The following TRAK2 variants were observed in gnomAD, a reference collection of about 807,000 sequenced individuals.
The protein encoded by TRAK2 is trafficking kinesin protein 2, also known as trafficking kinesin-binding protein 2.
A neutral mutation model predicts 104.6 loss-of-function variants in TRAK2; 81 were observed. The ratio of observed to expected loss-of-function variants is 0.77; its 90% CI spans 0.65 to 0.93. The LOEUF (loss-of-function observed/expected upper bound fraction) is 0.93. TRAK2 is among the 40% of genes least tolerant of loss of function. TRAK2 has a pLI of 0.00. For missense variants in TRAK2, 1,002 were observed against 1,089.0 expected (o/e 0.92, Z 1.12); for synonymous variants, 406 against 394.4 (o/e 1.03, Z -0.35).
chr2:201,424,956 T>G (rs1325772357), intron 1 of TRAK2, among the ~76,000 whole-genome samples: 1 of 152,188 alleles, frequency 6.6e-6, no homozygotes, highest in Non-Finnish European at 1.5e-5. Context: ...TTTTATACTT[T>G]CAAATGGCTG....
At chr2:201,394,689 G>C (rs1951483955) in intron 9 of TRAK2, 109 bp downstream of exon 9, 2 of 947,938 alleles carry the variant, frequency 2.1e-6, no homozygotes, top group Non-Finnish European at 3.2e-6. Context: ...ACCTTTTGTT[G>C]TTGTTTTTTA....
At chr2:201,407,310 G>A in intron 3 of TRAK2, 93 bp downstream of exon 3, 1 of 1,081,264 alleles carries the variant, frequency 9.2e-7, no homozygotes, top group Non-Finnish European at 1.4e-6. Flanking sequence ...ACTGAACAAT[G>A]GCTACTAAAC....
intron 1 of TRAK2, among the ~76,000 whole-genome samples, chr2:201,438,268 G>C (rs1951893665): frequency 6.6e-6 from 1 of 152,176 alleles, no homozygotes; most frequent in African/African-American, 2.4e-5. Context: ...AACAATTTAT[G>C]ATAAAGACAC....
intron 15 of TRAK2, 22 bp from the exon 16 acceptor site, chr2:201,381,240 T>C (rs368954954): frequency 7.3e-6 from 11 of 1,512,396 alleles, no homozygotes; most frequent in Non-Finnish European, 8.1e-6. Context: ...AAAAAAAAAG[T>C]GGGAGACAGT....
chr2:201,441,179 G>A (rs1489966336), intron 1 of TRAK2, among the ~76,000 whole-genome samples: 1 of 152,162 alleles, frequency 6.6e-6, no homozygotes, highest in African/African-American at 2.4e-5. Context: ...AAACACTTAT[G>A]TGCTTTATGA....
intron 2 of TRAK2, among the ~76,000 whole-genome samples, chr2:201,410,132 C>T (rs1254182076): frequency 3.3e-5 from 5 of 152,060 alleles, no homozygotes; most frequent in African/African-American, 7.2e-5. Context: ...CCTGTCTCTA[C>T]GAGAAACACA....
intron 2 of TRAK2, among the ~76,000 whole-genome samples, chr2:201,410,305 C>CA (rs1279545251): frequency 0.026 from 2,968 of 113,798 alleles, 101 homozygotes; most frequent in African/African-American, 0.075. Context: ...GACTCCGTCT[C>CA]AAAAAAAAAA....
rs564524934 is a variant in TRAK2, at chr2:201,380,534, T to G, written c.*9A>C. 6 of 1,612,142 alleles carry G rather than the reference T, an allele frequency of 3.7e-6. No individual in the cohort carries two copies. In the African/African-American group the frequency reaches 8.0e-5, roughly 22 times the overall value. Reference sequence around the variant, plus strand: ...TAACTTGTATAAAAGGTCAGTTAACTGCTGAACCTCAGTCCTCCTTCAGGA... The same window carrying G: ...TAACTTGTATAAAAGGTCAGTTAACGGCTGAACCTCAGTCCTCCTTCAGGA... On this transcript the variant is annotated 3_prime_UTR_variant, in exon 16 of 16. Transcript: ENST00000332624.
intron 1 of TRAK2, chr2:201,423,673 T>A (rs568218454): frequency 2.0e-5 from 3 of 152,328 alleles, no homozygotes; most frequent in Admixed American, 2.0e-4. Context: ...TACACTATAA[T>A]AAATTTCACT....
intron 2 of TRAK2, among the ~76,000 whole-genome samples, chr2:201,419,646 T>A (rs575479486): frequency 1.3e-5 from 2 of 152,354 alleles, no homozygotes; most frequent in Non-Finnish European, 2.9e-5. Context: ...TTACACTGAA[T>A]GCATATTTTT....
intron 11 of TRAK2, 41 bp downstream of exon 11, chr2:201,389,760 A>C (rs747594722): frequency 1.3e-6 from 2 of 1,516,748 alleles, no homozygotes; most frequent in African/African-American, 2.8e-5. Context: ...TTTAATTTCT[A>C]TTCCAATGAT....
chr2:201,419,099 A>G (rs1362858727), intron 2 of TRAK2: 4 of 151,554 alleles, frequency 2.6e-5, no homozygotes, highest in African/African-American at 9.8e-5. Context: ...TATGGTCAGT[A>G]AGCACATGAA....
chr2:201,389,772 G>A (rs770676472), intron 11 of TRAK2, 29 bp downstream of exon 11: 6 of 1,544,866 alleles, frequency 3.9e-6, no homozygotes, highest in Non-Finnish European at 5.3e-6. Flanking sequence ...TCCAATGATT[G>A]AGTAACAACA....
Position 201,399,382 on chromosome 2 carries a change from C to T in TRAK2, c.475G>A (p.Asp159Asn). 1 of 1,604,688 alleles carries T rather than the reference C, an allele frequency of 6.2e-7. No individual in the cohort carries two copies. Among genetic ancestry groups the T allele is most frequent in the Non-Finnish European group, 8.5e-7 (1 of 1,172,596 alleles). The stretch of plus-strand genomic sequence containing the variant: ...ACATTTGATCAAAGGCTTACTTGAT[C>T]AAAGGCTTGTCCCAATTGCTCCTCC... ...SLEEQLGQAF[D>N]QVNQLQHELC... The change falls in exon 5 of 16, where the codon GAT becomes AAT. Residue 159 changes from aspartate to asparagine, a missense_variant. Asp to Asn is a conservative substitution (Grantham distance 23, BLOSUM62 1). Transcript: ENST00000332624.
At position 201,389,424 on chromosome 2, in the gene TRAK2, A is replaced by G; in HGVS notation, c.1273T>C (p.Leu425=). 6.2e-7 allele frequency: 1 copy of G among 1,614,116 alleles called. No homozygotes were observed. Among genetic ancestry groups the G allele is most frequent in the Non-Finnish European group, 8.5e-7 (1 of 1,180,010 alleles). Residue 425 remains leucine (L), a synonymous_variant, in exon 12 of 16, where the codon TTA becomes CTA. Coordinates refer to ENST00000332624, the MANE Select transcript of TRAK2 (RefSeq NM_015049.3). ...RGRSISFPAL[L]PIPGSNRSSV... is the part of the protein sequence containing the mutation. Reference sequence around the variant, plus strand: ...GAACGGTTGGAGCCTGGAATGGGTAACAGAGCTGGGAATGAGATAGAGCGG... The same window carrying G: ...GAACGGTTGGAGCCTGGAATGGGTAGCAGAGCTGGGAATGAGATAGAGCGG...
At position 201,381,519 on chromosome 2, in the gene TRAK2, C is replaced by G. The variant is rs543917907; in HGVS notation, c.2070-301G>C. Among the ~76,000 whole-genome samples the G allele has an allele frequency of 2.6e-3, 401 of 152,138 alleles. 3 individuals are homozygous for G. Among genetic ancestry groups the G allele is most frequent in the African/African-American group, 8.8e-3 (366 of 41,484 alleles). Reference sequence around the variant, plus strand: ...ATAACTTTACTCTTAAATTTTAACTCTAAAATGTACATCTGTAGAAATACA... The same window carrying G: ...ATAACTTTACTCTTAAATTTTAACTGTAAAATGTACATCTGTAGAAATACA... On this transcript the variant is annotated intron_variant, in intron 15 of 15. Transcript: ENST00000332624.
chr2:201,417,241 C>CAAAAAAAAAAAAAAAAAAAGAAAAGAAA (rs61702415), intron 2 of TRAK2, among the ~76,000 whole-genome samples: 1 of 88,432 alleles, frequency 1.1e-5, no homozygotes, highest in Non-Finnish European at 2.2e-5. Context: ...GAAGACATTG[C>CAAAAAAAAAAAAAAAAAAAGAAAAGAAA]AAAAAAAAAA....
At chr2:201,429,535 A>G (rs535582405) in intron 1 of TRAK2, among the ~76,000 whole-genome samples, 1 of 152,296 alleles carries the variant, frequency 6.6e-6, no homozygotes, top group African/African-American at 2.4e-5. Context: ...ACACAGTCCC[A>G]TATGCCCTGG....
rs1015026071 is a variant in TRAK2, at chr2:201,379,034, C to G, written c.*1509G>C. On this transcript the variant is annotated 3_prime_UTR_variant, in exon 16 of 16. Transcript: ENST00000332624. ...GAACAAAACATTTGCAAATTAAGCA[C>G]CAAAAAGATCAAGTAATTTACTTGC... is the stretch of plus-strand genomic sequence containing the variant. 1.3e-5 allele frequency: 2 copies of G among 152,106 alleles called. No homozygotes were observed. Among genetic ancestry groups the G allele is most frequent in the Admixed American group, 1.3e-4 (2 of 15,260 alleles). The allele number at this position is 152,106 out of a possible 1,614,324, so 9.4% of individuals were successfully genotyped here. A position where few individuals can be genotyped will look rare whatever the true frequency, so the allele number is the denominator to read the frequency against.
Sources: gnomAD v4.1 joint callset for allele counts (sites outside exome capture counted in the v4.1 genomes callset) on GRCh38, gnomAD v4.1.1 for gene constraint, MANE v1.5 for transcripts, NCBI Gene and HGNC (gene_info 2026-07-23, HGNC 2026-07-21) for gene names.